Variants in MICAL1 observed in about 807,000 individuals in gnomAD.
MICAL1 encodes the protein microtubule associated monooxygenase, calponin and LIM domain containing 1, also known as [F-actin]-monooxygenase MICAL1.
Under a neutral mutation model 131.8 loss-of-function variants are expected in MICAL1, and 95 were observed. The observed-to-expected ratio is 0.72, with a 90% CI of 0.61 to 0.86. The LOEUF (loss-of-function observed/expected upper bound fraction) is 0.86, where lower values mean the gene tolerates loss of function less well. MICAL1 is among the 40% of genes least tolerant of loss of function. MICAL1 has a pLI of 0.00. For missense variants in MICAL1, 1,292 were observed against 1,380.6 expected (o/e 0.94, Z 1.02); for synonymous variants, 546 against 554.2 (o/e 0.99, Z 0.21).
Position 109,452,235 on chromosome 6 carries a change from G to C in MICAL1, c.832+11C>G, listed in dbSNP as rs1318096218. 2 of 1,604,756 alleles carry C rather than the reference G, an allele frequency of 1.2e-6. No individual in the cohort carries two copies. Among genetic ancestry groups the C allele is most frequent in the East Asian group, 4.5e-5 (2 of 44,670 alleles). ...CAGGGGGAGGGGAAATTCAGCAAGA[G>C]GGTCCCTGACCTGTGGCTTTGAGAA... On this transcript the variant is annotated intron_variant, in intron 6 of 24. Coordinates refer to ENST00000358807, the MANE Select transcript of MICAL1 (RefSeq NM_022765.4).
In MICAL1 at chr6:109,454,124, C is replaced by T. The variant is rs2115340039; in HGVS notation, c.73G>A (p.Asp25Asn). 3.1e-6 allele frequency: 5 copies of T among 1,613,576 alleles called. No homozygotes were observed. In the African/African-American group the frequency reaches 4.0e-5, roughly 13 times the overall value. Reference sequence around the variant, plus strand: ...AGCTCCTGGAAGCTGCTCAGCACGTCCTGGCACAGCTGGGCCTGCAGGAAG... The same window carrying T: ...AGCTCCTGGAAGCTGCTCAGCACGTTCTGGCACAGCTGGGCCTGCAGGAAG... ...ESFLQAQLCQ[D>N]VLSSFQELCG... Residue 25 changes from aspartate (D) to asparagine (N), a missense_variant, in exon 2 of 25, where the codon GAC (aspartate) becomes AAC (asparagine). By Grantham distance (23) the Asp-to-Asn change is conservative (BLOSUM62 1). Coordinates refer to ENST00000358807, the MANE Select transcript of MICAL1 (RefSeq NM_022765.4).
chr6:109,455,740 G>C lies in MICAL1; in HGVS notation c.-65C>G. ...TTACCGGCGGCTCCGAAGCCGGGAG[G>C]GGCCGCTTCCTGTTGGGCTGGCAAC... On this transcript the variant is annotated 5_prime_UTR_variant, in exon 1 of 25. Coordinates refer to ENST00000358807, the MANE Select transcript of MICAL1 (RefSeq NM_022765.4). The surrounding 1 kb of genome is among the most constrained non-coding windows in gnomAD (Gnocchi z 4.7). 1.0e-6 allele frequency: 1 copy of C among 984,328 alleles called. No individual in the cohort carries two copies. Among genetic ancestry groups the C allele is most frequent in the Non-Finnish European group, 1.2e-6 (1 of 829,542 alleles). 61.0% of individuals were successfully genotyped at this position (984,328 alleles called of 1,614,324 possible).
chr6:109,456,288 G>T (rs758449921), upstream of MICAL1, among the ~76,000 whole-genome samples: 1 of 152,184 alleles, frequency 6.6e-6, no homozygotes, highest in African/African-American at 2.4e-5. Context: ...TGGAAAAGCC[G>T]GCGGGTCCGA....
chr6:109,448,547 C>T (rs1438332888), intron 12 of MICAL1, 154 bp from the exon 13 acceptor site: 4 of 1,238,420 alleles, frequency 3.2e-6, no homozygotes, highest in Non-Finnish European at 4.6e-6. Flanking sequence ...AGTGCCCAAC[C>T]CAGTGACACT....
chr6:109,448,406 A>C lies in MICAL1; in HGVS notation c.1665-13T>G. The C allele has an allele frequency of 6.2e-7, 1 of 1,612,038 alleles. No individual in the cohort carries two copies. On this transcript the variant is annotated splice_polypyrimidine_tract_variant and intron_variant, in intron 12 of 24. Coordinates refer to ENST00000358807, the MANE Select transcript of MICAL1 (RefSeq NM_022765.4). ...CTCTGAGGGTTCCCTGTGGGATGTC[A>C]GGGAGAAAAGCCAACTAGAGACAAG...
At chr6:109,460,267 T>A (rs1193642328), upstream of MICAL1, among the ~76,000 whole-genome samples, 2 of 151,446 alleles carry the variant, frequency 1.3e-5, no homozygotes, top group Non-Finnish European at 2.9e-5. Context: ...CCAGCCTGGG[T>A]AACGTAGTGA....
intron 17 of MICAL1, 127 bp downstream of exon 17, chr6:109,446,946 C>A: frequency 7.6e-7 from 1 of 1,319,234 alleles, no homozygotes; most frequent in East Asian, 2.5e-5. Context: ...AGAGAAGACC[C>A]TGAGCTCAGG....
intron 1 of MICAL1, chr6:109,464,729 CCAGGAATTCGAGGTTA>C (rs778313464): frequency 3.9e-5 from 6 of 152,124 alleles, no homozygotes; most frequent in Non-Finnish European, 8.8e-5. Flanking sequence ...TTGCTTGAGC[CCAGGAATTCGAGGTTA>C]CAGTGAGCAA....
Position 109,455,372 on chromosome 6 carries a change from G to C in MICAL1, c.-44+347C>G, listed in dbSNP as rs1775704774. ...ACGAGGGCAGACGGAATCTCATGACGGAAGGGCAAAGATCTTTCTTGGGGG... is the reference window on the plus strand; with the variant it reads ...ACGAGGGCAGACGGAATCTCATGACCGAAGGGCAAAGATCTTTCTTGGGGG... On this transcript the variant is annotated intron_variant, in intron 1 of 24. Coordinates refer to ENST00000358807, the MANE Select transcript of MICAL1 (RefSeq NM_022765.4). The surrounding 1 kb of genome is among the most constrained non-coding windows in gnomAD (Gnocchi z 4.7). Among the ~76,000 whole-genome samples the C allele has an allele frequency of 6.6e-6, 1 of 152,180 alleles. No individual in the cohort carries two copies. Among genetic ancestry groups the C allele is most frequent in the South Asian group, 2.1e-4 (1 of 4,826 alleles).
upstream of MICAL1, among the ~76,000 whole-genome samples, chr6:109,459,701 A>G (rs1272274821): frequency 2.6e-5 from 4 of 152,232 alleles, no homozygotes; most frequent in South Asian, 4.1e-4. Flanking sequence ...AAACACATAA[A>G]TAGGTTCAGG....
chr6:109,461,556 A>G (rs1775888654), intron 1 of MICAL1, among the ~76,000 whole-genome samples: 1 of 152,174 alleles, frequency 6.6e-6, no homozygotes, highest in Admixed American at 6.5e-5. Flanking sequence ...CCTGGGCAAT[A>G]TAGTGAGACC....
At position 109,447,114 on chromosome 6, in the gene MICAL1, G is replaced by T. The variant is rs1775260446; in HGVS notation, c.2186C>A (p.Ala729Asp). The change falls in exon 17 of 25, where the codon GCC (alanine) becomes GAC (aspartate). Residue 729 changes from alanine (A) to aspartate (D), a missense_variant. Physicochemically the swap from Ala to Asp is moderately radical, Grantham distance 126 (BLOSUM62 -2). Coordinates refer to ENST00000358807, the MANE Select transcript of MICAL1 (RefSeq NM_022765.4). ...RSCFRCHTCEATLWPGGYEQH... is the reference protein window; with the variant it reads ...RSCFRCHTCEDTLWPGGYEQH... Reference sequence around the variant, plus strand: ...CTCGTAGCCACCTGGCCACAGTGTGGCCTCACAGGTATGGCAGCGGAAGCA... The same window carrying T: ...CTCGTAGCCACCTGGCCACAGTGTGTCCTCACAGGTATGGCAGCGGAAGCA... The T allele has an allele frequency of 1.2e-6, 2 of 1,614,140 alleles. No individual in the cohort carries two copies. Among genetic ancestry groups the T allele is most frequent in the African/African-American group, 2.7e-5 (2 of 75,052 alleles).
chr6:109,444,148 G>C lies in MICAL1; in HGVS notation c.*43C>G. 6.3e-7 allele frequency: 1 copy of C among 1,598,768 alleles called. No homozygotes were observed. The highest frequency in any genetic ancestry group is 1.3e-5 in the African/African-American group (1 of 74,526). On this transcript the variant is annotated 3_prime_UTR_variant, in exon 25 of 25. Transcript: ENST00000358807. ...CAGGGGTGGCACTGTGCTGGGGTGAGGTGCTTTCTTTGTGGGAACGAAAGC... is the reference window on the plus strand; with the variant it reads ...CAGGGGTGGCACTGTGCTGGGGTGACGTGCTTTCTTTGTGGGAACGAAAGC...
chr6:109,448,527 T>G, intron 12 of MICAL1, 134 bp from the exon 13 acceptor site: 1 of 1,269,272 alleles, frequency 7.9e-7, no homozygotes, highest in South Asian at 1.3e-5. Flanking sequence ...GTGTGTAGTC[T>G]CTGCTACCCA....
chr6:109,454,265 A>G, intron 1 of MICAL1, 26 bp from the exon 2 acceptor site: 1 of 1,525,718 alleles, frequency 6.6e-7, no homozygotes, highest in African/African-American at 1.4e-5. Context: ...AAGAAGGGGA[A>G]GAGGCTGGAG....
At chr6:109,456,838 T>C (rs1032806582), upstream of MICAL1, among the ~76,000 whole-genome samples, 25 of 152,326 alleles carry the variant, frequency 1.6e-4, no homozygotes, top group African/African-American at 5.8e-4. Context: ...TGTTCTGTGA[T>C]CTGCACACAG....
rs765313736 is a variant in MICAL1 at position 109,447,357 on chromosome 6, C to T, written c.2070G>A (p.Glu690=). 6.2e-7 allele frequency: 1 copy of T among 1,613,800 alleles called. No homozygotes were observed. Among genetic ancestry groups the T allele is most frequent in the Non-Finnish European group, 8.5e-7 (1 of 1,179,992 alleles). ...VPLTPPSQHQ[E]AGAGDLCALC... is the part of the protein sequence containing the mutation. ...CCTGCACACAAAGCCTGGCTCTCAC[C>T]TCCTGGTGTTGGGATGGGGGTGTCA... Residue 690 remains glutamate, a splice_region_variant and synonymous_variant, in exon 16 of 25, where the codon GAG becomes GAA. Coordinates refer to ENST00000358807, the MANE Select transcript of MICAL1 (RefSeq NM_022765.4).
chr6:109,465,530 C>T, intron 1 of MICAL1: 1 of 975,084 alleles, frequency 1.0e-6, no homozygotes. Flanking sequence ...TAACCTATGG[C>T]TGTGAACATT....
In MICAL1 at chr6:109,444,698, G is replaced by A. The variant is rs777724826; in HGVS notation, c.3055+27C>T. ...CTTGCATGACACATCCCTGGGATGT[G>A]TCTGCTTCTCCCCACATTTCACCTA... On this transcript the variant is annotated intron_variant, in intron 24 of 24. Coordinates refer to ENST00000358807, the MANE Select transcript of MICAL1 (RefSeq NM_022765.4). The A allele has an allele frequency of 9.3e-6, 15 of 1,612,924 alleles. No homozygotes were observed. The Middle Eastern group carries it at 8.2e-4, about 89-fold the overall frequency.
Sources: gnomAD v4.1 joint callset for allele counts (sites outside exome capture counted in the v4.1 genomes callset) on GRCh38, gnomAD v4.1.1 for gene constraint, Gnocchi (gnomAD v3.1) non-coding constraint, MANE v1.5 for transcripts, NCBI Gene and HGNC (gene_info 2026-07-23, HGNC 2026-07-21) for gene names.